The following OSBPL10 variants were observed in gnomAD, a reference collection of about 807,000 sequenced individuals.
OSBPL10 encodes the protein oxysterol-binding protein-related protein 10.
Under a neutral mutation model 81.7 loss-of-function variants are expected in OSBPL10, and 49 were observed. The ratio of observed to expected loss-of-function variants is 0.60; its 90% CI spans 0.48 to 0.76. The LOEUF is 0.76. Ranked by LOEUF, OSBPL10 falls within the 30% of genes least tolerant of loss-of-function variation. OSBPL10 has a pLI of 0.00. For missense variants in OSBPL10, 923 were observed against 987.8 expected (o/e 0.93, Z 0.88); for synonymous variants, 419 against 383.6 (o/e 1.09, Z -1.08).
intron 1 of OSBPL10, among the ~76,000 whole-genome samples, chr3:31,893,548 TAAAAC>T (rs1486564038): frequency 1.3e-5 from 2 of 152,062 alleles, no homozygotes; most frequent in African/African-American, 2.4e-5. Flanking sequence ...AAACAGAAAT[TAAAAC>T]AAATGTCTAC....
chr3:31,965,690 A>AAT (rs1698350062), intron 1 of OSBPL10, among the ~76,000 whole-genome samples: 2 of 34,412 alleles, frequency 5.8e-5, no homozygotes, highest in Admixed American at 6.5e-4. Flanking sequence ...ATATTATATA[A>AAT]AATATATAAT....
chr3:31,786,076 C>A (rs886650190), intron 4 of OSBPL10, among the ~76,000 whole-genome samples: 4 of 152,210 alleles, frequency 2.6e-5, no homozygotes, highest in African/African-American at 7.2e-5. Context: ...GAGGCAAAGA[C>A]CCAGGGATGC....
At chr3:31,863,300 A>T (rs1053703510) in intron 3 of OSBPL10, among the ~76,000 whole-genome samples, 2 of 152,190 alleles carry the variant, frequency 1.3e-5, no homozygotes, top group Admixed American at 6.5e-5. Flanking sequence ...CAGTTCATGG[A>T]AACAGGGAAA....
intron 1 of OSBPL10, among the ~76,000 whole-genome samples, chr3:31,921,014 T>C (rs1031383994): frequency 2.0e-5 from 3 of 152,164 alleles, no homozygotes; most frequent in African/African-American, 7.2e-5. Flanking sequence ...TATTCCATTA[T>C]AGCAACACAA....
chr3:32,053,930 T>G (rs1272497472), intron 1 of OSBPL10, among the ~76,000 whole-genome samples: 1 of 152,130 alleles, frequency 6.6e-6, no homozygotes, highest in Non-Finnish European at 1.5e-5. Context: ...ATTGCACCAC[T>G]GCACTCCAGC....
chr3:31,965,173 T>C (rs560697660), intron 1 of OSBPL10, among the ~76,000 whole-genome samples: 2 of 151,398 alleles, frequency 1.3e-5, no homozygotes, highest in African/African-American at 2.4e-5. Flanking sequence ...ATTGTGACCA[T>C]CCTGGCTAAC....
intron 3 of OSBPL10, among the ~76,000 whole-genome samples, chr3:31,847,796 G>C (rs1468261253): frequency 1.3e-5 from 2 of 152,054 alleles, no homozygotes; most frequent in Non-Finnish European, 2.9e-5. Flanking sequence ...GCAAACTAAA[G>C]ATCAGCAACA....
At chr3:31,733,190 T>C in intron 6 of OSBPL10, 67 bp downstream of exon 6, 1 of 1,562,978 alleles carries the variant, frequency 6.4e-7, no homozygotes, top group Non-Finnish European at 8.7e-7. Context: ...GTTACAAATA[T>C]AATTACTATA....
intron 6 of OSBPL10, chr3:31,704,844 C>T (rs1696009361): frequency 6.6e-6 from 1 of 152,324 alleles, no homozygotes; most frequent in South Asian, 2.1e-4. Flanking sequence ...AAATTAGACC[C>T]AGCTTGTCCC....
At chr3:31,904,239 C>T (rs866917292) in intron 1 of OSBPL10, among the ~76,000 whole-genome samples, 4 of 152,126 alleles carry the variant, frequency 2.6e-5, no homozygotes, top group Non-Finnish European at 4.4e-5. Context: ...TGAGATCCCA[C>T]GCCTCCCAGA....
intron 11 of OSBPL10, chr3:31,662,807 CCAGA>C: frequency 6.1e-6 from 6 of 985,400 alleles, no homozygotes; most frequent in Non-Finnish European, 4.8e-6. Flanking sequence ...TCCACAGAAG[CCAGA>C]CAAACTAGCT....
At chr3:31,915,761 G>GAA (rs111230460) in intron 1 of OSBPL10, among the ~76,000 whole-genome samples, 1 of 151,308 alleles carries the variant, frequency 6.6e-6, no homozygotes, top group Non-Finnish European at 1.5e-5. Flanking sequence ...AATAAAAGTT[G>GAA]AAAAAAAATT....
At chr3:31,971,165 G>A (rs1399896939) in intron 1 of OSBPL10, among the ~76,000 whole-genome samples, 2 of 131,582 alleles carry the variant, frequency 1.5e-5, no homozygotes, top group South Asian at 2.4e-4. Context: ...TTTTGAGCTG[G>A]AGTCTTGCTC....
intron 4 of OSBPL10, among the ~76,000 whole-genome samples, chr3:31,817,769 G>A (rs1166662411): frequency 6.6e-6 from 1 of 152,144 alleles, no homozygotes; most frequent in Non-Finnish European, 1.5e-5. Flanking sequence ...ACCTCAGAAG[G>A]GGCGGGGCTC....
intron 3 of OSBPL10, among the ~76,000 whole-genome samples, chr3:31,868,047 T>C (rs1701226732): frequency 6.6e-6 from 1 of 150,976 alleles, no homozygotes; most frequent in East Asian, 2.0e-4. Flanking sequence ...TCCGTGCATA[T>C]GAACGTACAA....
intron 2 of OSBPL10, among the ~76,000 whole-genome samples, chr3:32,029,899 C>A (rs895163614): frequency 6.6e-6 from 1 of 152,102 alleles, no homozygotes; most frequent in African/African-American, 2.4e-5. Context: ...CACCAGCAAC[C>A]AACAAATAAT....
intron 1 of OSBPL10, chr3:31,960,004 T>C (rs1698113702): frequency 6.6e-6 from 1 of 152,164 alleles, no homozygotes; most frequent in African/African-American, 2.4e-5. Flanking sequence ...ATGCAGAAAA[T>C]GAAAGTTGCC....
chr3:31,667,255 T>G (rs1197755724), intron 10 of OSBPL10, among the ~76,000 whole-genome samples: 3 of 152,196 alleles, frequency 2.0e-5, no homozygotes, highest in Non-Finnish European at 4.4e-5. Flanking sequence ...TCGCAGCCTT[T>G]CCCTTGTCCT....
chr3:31,766,885 C>G (rs543970005), intron 4 of OSBPL10, among the ~76,000 whole-genome samples: 2 of 152,132 alleles, frequency 1.3e-5, no homozygotes, highest in African/African-American at 4.8e-5. Flanking sequence ...GTGATAAACA[C>G]CCAGCTGTAA....
Sources: gnomAD v4.1 joint callset for allele counts (sites outside exome capture counted in the v4.1 genomes callset) on GRCh38, gnomAD v4.1.1 for gene constraint, MANE v1.5 for transcripts, NCBI Gene and HGNC (gene_info 2026-07-23, HGNC 2026-07-21) for gene names.